The following PALM2AKAP2 variants were observed in gnomAD, a reference collection of about 807,000 sequenced individuals.
PALM2AKAP2 encodes PALM2-AKAP2 fusion protein.
A neutral mutation model predicts 71.5 loss-of-function variants in PALM2AKAP2; 37 were observed. That is an observed-to-expected ratio of 0.52 (90% CI 0.40 to 0.68). The LOEUF is 0.68. PALM2AKAP2 is among the 30% of genes least tolerant of loss of function. The pLI, the probability that PALM2AKAP2 is intolerant of heterozygous loss-of-function variation, is 0.00. For missense variants in PALM2AKAP2, 1,224 were observed against 1,191.8 expected (o/e 1.03, Z -0.40); for synonymous variants, 468 against 478.8 (o/e 0.98, Z 0.29).
At chr9:110,018,880 A>G (rs941901797) in intron 7 of PALM2AKAP2, among the ~76,000 whole-genome samples, 3 of 152,166 alleles carry the variant, frequency 2.0e-5, no homozygotes, top group Non-Finnish European at 4.4e-5. Context: ...CTTTGTATCT[A>G]AATGAAAGTA....
chr9:110,060,694 T>C (rs1833946868), intron 1 of PALM2AKAP2, among the ~76,000 whole-genome samples: 1 of 152,120 alleles, frequency 6.6e-6, no homozygotes, highest in Non-Finnish European at 1.5e-5. Flanking sequence ...CTCCGCCTCC[T>C]GGGTTCAAGC....
rs957949646 is a variant in PALM2AKAP2 at position 109,780,668 on chromosome 9, C to T, written c.45+135C>T. ...TCCAGGGGCTAAAACTCTGTCAGGGCTCAGCTAGGCTGCCTTTTCTTTTCT... is the reference window on the plus strand; with the variant it reads ...TCCAGGGGCTAAAACTCTGTCAGGGTTCAGCTAGGCTGCCTTTTCTTTTCT... On this transcript the variant is annotated intron_variant, in intron 1 of 9. Transcript: ENST00000302798. 55 of 1,289,578 alleles carry T rather than the reference C, an allele frequency of 4.3e-5. No individual in the cohort carries two copies. The Middle Eastern group carries it at 8.0e-4, about 19-fold the overall frequency. 79.9% of individuals were successfully genotyped at this position (1,289,578 alleles called of 1,614,324 possible). A position where few individuals can be genotyped will look rare whatever the true frequency, so the allele number is the denominator to read the frequency against.
At chr9:109,913,095 A>G (rs1461877885) in intron 3 of PALM2AKAP2, among the ~76,000 whole-genome samples, 1 of 152,132 alleles carries the variant, frequency 6.6e-6, no homozygotes, top group Non-Finnish European at 1.5e-5. Flanking sequence ...GGGCAGAGGG[A>G]CCCTGGGCAG....
rs531673834 is a variant in PALM2AKAP2 at position 110,166,708 on chromosome 9, G to A, written c.2749-1691G>A. 8.5e-5 allele frequency among the ~76,000 whole-genome samples: 13 copies of A among 152,268 alleles called. No individual in the cohort carries two copies. In the South Asian group the frequency reaches 2.5e-3, roughly 29 times the overall value. On this transcript the variant is annotated intron_variant, in intron 3 of 3. Coordinates refer to ENST00000374525, the Ensembl canonical transcript of PALM2AKAP2. ...ACGTGACTGAGGAGGAAAAGGGGAG[G>A]CTTCACAGAGGAAGATATGTTGAAG...
At chr9:109,738,234 A>G (rs1222332361) in intron 1 of PALM2AKAP2, among the ~76,000 whole-genome samples, 1 of 152,224 alleles carries the variant, frequency 6.6e-6, no homozygotes, top group Non-Finnish European at 1.5e-5. Flanking sequence ...TAAAGTTTCA[A>G]GTGAGATCTT....
upstream of PALM2AKAP2, chr9:110,048,613 G>C: frequency 7.3e-7 from 1 of 1,374,940 alleles, no homozygotes; most frequent in South Asian, 1.5e-5. Flanking sequence ...GAGGGGAAGC[G>C]AGGAGGCGGG....
chr9:109,670,970 G>C (rs1220189430), intron 1 of PALM2AKAP2, among the ~76,000 whole-genome samples: 2 of 151,860 alleles, frequency 1.3e-5, no homozygotes, highest in Admixed American at 6.6e-5. Flanking sequence ...GGGGTTGTTT[G>C]GTTTCTTTTC....
chr9:109,726,489 C>T (rs924368957), intron 1 of PALM2AKAP2, among the ~76,000 whole-genome samples: 6 of 152,264 alleles, frequency 3.9e-5, no homozygotes, highest in Admixed American at 2.0e-4. Flanking sequence ...GCAGCCTCCA[C>T]GCCTGGGTTG....
intron 7 of PALM2AKAP2, 108 bp downstream of exon 7, chr9:110,016,147 G>A: frequency 9.4e-7 from 1 of 1,065,420 alleles, no homozygotes; most frequent in Non-Finnish European, 1.4e-6. Context: ...CACCTTGCTA[G>A]AGTTCTCTCT....
rs1836043542 is a variant in PALM2AKAP2, at chr9:110,142,014, T to C, written c.2569+3475T>C. Among the ~76,000 whole-genome samples the C allele has an allele frequency of 2.0e-5, 3 of 152,180 alleles. No individual in the cohort carries two copies. In the South Asian group the frequency reaches 6.2e-4, roughly 32 times the overall value. ...TAGAAGTTCTGTTTTGAAAAGGATA[T>C]AGTCATTGTTAATGACCGGGTATCT... On this transcript the variant is annotated intron_variant, in intron 2 of 3. Coordinates refer to ENST00000374525, the Ensembl canonical transcript of PALM2AKAP2.
chr9:110,043,714 G>GTTTTTTTTTTTTTTT (rs71492869), upstream of PALM2AKAP2, among the ~76,000 whole-genome samples: 2 of 98,410 alleles, frequency 2.0e-5, no homozygotes, highest in Non-Finnish European at 3.9e-5. Flanking sequence ...GTTTTTTTTG[G>GTTTTTTTTTTTTTTT]TGTTTTTTTT....
chr9:109,880,674 A>G lies in PALM2AKAP2; in HGVS notation c.250A>G (p.Ile84Val), dbSNP rs112019747. The G allele has an allele frequency of 1.4e-5, 22 of 1,613,906 alleles. No homozygotes were observed. In the African/African-American group the frequency reaches 1.6e-4, roughly 12 times the overall value. Residue 84 changes from isoleucine (I) to valine (V), a missense_variant, in exon 3 of 10, where the codon ATT (isoleucine) becomes GTT (valine). By Grantham distance (29) the Ile-to-Val change is conservative. Coordinates refer to the PALM2AKAP2 transcript ENST00000302798. ...CAGAGTCAAGCAACTTGAAGATAAC[A>G]TTCAGAGGTAGGTGGCTTCCAGCCC...
At chr9:109,671,608 GT>G (rs531555880) in intron 1 of PALM2AKAP2, among the ~76,000 whole-genome samples, 2 of 151,938 alleles carry the variant, frequency 1.3e-5, no homozygotes, top group South Asian at 2.1e-4. Context: ...TTTTAAAATA[GT>G]TTTTTTTCTA....
At chr9:109,921,807 G>A (rs1337303230) in intron 3 of PALM2AKAP2, among the ~76,000 whole-genome samples, 4 of 152,164 alleles carry the variant, frequency 2.6e-5, no homozygotes. Context: ...GATACCATGG[G>A]GACTTATAAG....
At chr9:110,003,068 G>A (rs1047329415) in intron 6 of PALM2AKAP2, among the ~76,000 whole-genome samples, 2 of 151,834 alleles carry the variant, frequency 1.3e-5, no homozygotes, top group Non-Finnish European at 2.9e-5. Context: ...TCTTGCCTTC[G>A]GCTAGCTTTT....
chr9:109,850,622 C>G (rs1388711855), intron 1 of PALM2AKAP2, among the ~76,000 whole-genome samples: 1 of 152,200 alleles, frequency 6.6e-6, no homozygotes, highest in African/African-American at 2.4e-5. Flanking sequence ...TAGAGTCAAG[C>G]TCTACTTGCC....
At chr9:110,136,552 A>G in exon 2 of PALM2AKAP2, 1 of 1,613,490 alleles carries the variant, frequency 6.2e-7, no homozygotes, top group Non-Finnish European at 8.5e-7. Flanking sequence ...CCACTGAAAG[A>G]ACAGCTAGCC....
intron 1 of PALM2AKAP2, among the ~76,000 whole-genome samples, chr9:109,808,460 T>C (rs1001435574): frequency 6.6e-6 from 1 of 152,200 alleles, no homozygotes; most frequent in African/African-American, 2.4e-5. Context: ...CAGAAGAACT[T>C]TCTAAGCAGC....
chr9:110,003,131 C>T (rs1380834929), intron 6 of PALM2AKAP2, among the ~76,000 whole-genome samples: 1 of 152,048 alleles, frequency 6.6e-6, no homozygotes, highest in Admixed American at 6.6e-5. Flanking sequence ...GTTAGGGTGT[C>T]AATTTTAGAT....
Sources: allele counts gnomAD v4.1 joint callset (sites outside exome capture counted in the v4.1 genomes callset), GRCh38; gene constraint gnomAD v4.1.1; transcripts MANE v1.5; gene names NCBI Gene and HGNC (gene_info 2026-07-23, HGNC 2026-07-21).